The following LATS1 variants were observed in gnomAD, a reference collection of about 807,000 sequenced individuals.
LATS1 encodes the protein large tumor suppressor kinase 1.
Under a neutral mutation model 106.6 loss-of-function variants are expected in LATS1, and 25 were observed. The ratio of observed to expected loss-of-function variants is 0.23; its 90% CI spans 0.17 to 0.33. LATS1 has a LOEUF of 0.33. Ranked by LOEUF, LATS1 falls within the 10% of genes least tolerant of loss-of-function variation. The probability of loss-of-function intolerance (pLI) is 1.00; values close to 1 mark genes in which losing one functional copy is unlikely to be tolerated. For synonymous variants in LATS1, 465 were observed against 455.6 expected, an observed-to-expected ratio of 1.02 and a Z score of -0.26; for missense variants, 1,040 against 1,382.6, an observed-to-expected ratio of 0.75 and a Z score of 3.93.
At position 149,680,163 on chromosome 6, in the gene LATS1, A is replaced by G. The variant is rs1465702628; in HGVS notation, c.2305T>C (p.Tyr769His). ...TTGTCCTTATCTTGGAATGAATAAT[A>G]TAGACGAACTACCCATTCATTGTCA... ...EADNEWVVRL[Y>H]YSFQDKDNLY... The change falls in exon 5 of 8, where the codon TAT (tyrosine) becomes CAT (histidine). Residue 769 changes from tyrosine (Y) to histidine (H), a missense_variant. Coordinates refer to ENST00000543571, the MANE Select transcript of LATS1 (RefSeq NM_004690.4). The G allele has an allele frequency of 6.2e-7, 1 of 1,614,118 alleles. No individual in the cohort carries two copies. The highest frequency in any genetic ancestry group is 1.7e-5 in the Admixed American group (1 of 60,014).
chr6:149,702,596 A>T (rs1442137308), intron 1 of LATS1, among the ~76,000 whole-genome samples: 1 of 152,184 alleles, frequency 6.6e-6, no homozygotes, highest in Non-Finnish European at 1.5e-5. Context: ...CACCTAGAGG[A>T]TCAAATTTTA....
At chr6:149,689,054 G>A (rs189900962) in intron 3 of LATS1, among the ~76,000 whole-genome samples, 4 of 152,018 alleles carry the variant, frequency 2.6e-5, no homozygotes, top group East Asian at 1.9e-4. Context: ...TGTAATCCCA[G>A]CTACCTGGGA....
chr6:149,667,027 A>G (rs1157354467), intron 7 of LATS1, among the ~76,000 whole-genome samples: 1 of 152,140 alleles, frequency 6.6e-6, no homozygotes, highest in Non-Finnish European at 1.5e-5. Flanking sequence ...TGAAGATATA[A>G]AGTATCAAAA....
chr6:149,662,981 A>AG (rs1554229011), intron 7 of LATS1, among the ~76,000 whole-genome samples: 3 of 128,512 alleles, frequency 2.3e-5, no homozygotes, highest in African/African-American at 5.8e-5. Flanking sequence ...AAAAAAAAAA[A>AG]AAAAAAGAAA....
chr6:149,689,598 A>G (rs1460812944), intron 3 of LATS1, among the ~76,000 whole-genome samples: 4 of 152,130 alleles, frequency 2.6e-5, no homozygotes, highest in Admixed American at 2.0e-4. Context: ...GCATCCTTCA[A>G]TGGCCTCAGC....
In LATS1 at chr6:149,661,343, C is replaced by A. The variant is rs1780875573; in HGVS notation, c.*386G>T. 1 of 236,398 alleles carries A rather than the reference C, an allele frequency of 4.2e-6. No homozygotes were observed. The highest frequency in any genetic ancestry group is 2.2e-5 in the African/African-American group (1 of 45,374). The allele number at this position is 236,398 out of a possible 1,614,324, so 14.6% of individuals were successfully genotyped here. ...GGGTATGTTTCATATTTGGTTAAAG[C>A]AAGATAAAACTAAAACTGTCTTTCA... is the stretch of plus-strand genomic sequence containing the variant. On this transcript the variant is annotated 3_prime_UTR_variant, in exon 8 of 8. Coordinates refer to ENST00000543571, the MANE Select transcript of LATS1 (RefSeq NM_004690.4).
chr6:149,706,663 T>C (rs1195064738), intron 1 of LATS1, among the ~76,000 whole-genome samples: 1 of 152,134 alleles, frequency 6.6e-6, no homozygotes, highest in African/African-American at 2.4e-5. Flanking sequence ...ATTACAAGTG[T>C]CCTTTTGAGA....
In LATS1 at chr6:149,683,526, T is replaced by C; in HGVS notation, c.1563A>G (p.Pro521=). ...ALAPTHPSWI[P]QPIQTVQPSP... is the part of the protein sequence containing the mutation. ...TGGGTTGAACAGTTTGAATTGGCTGTGGTATCCAAGAAGGGTGTGTAGGTG... is the reference window on the plus strand; with the variant it reads ...TGGGTTGAACAGTTTGAATTGGCTGCGGTATCCAAGAAGGGTGTGTAGGTG... The change falls in exon 4 of 8, where the codon CCA becomes CCG. Residue 521 remains proline (P), a synonymous_variant. Coordinates refer to ENST00000543571, the MANE Select transcript of LATS1 (RefSeq NM_004690.4). 3.7e-6 allele frequency: 6 copies of C among 1,614,198 alleles called. No individual in the cohort carries two copies. The highest frequency in any genetic ancestry group is 5.1e-6 in the Non-Finnish European group (6 of 1,180,026).
Position 149,684,051 on chromosome 6 carries a change from T to C in LATS1, c.1038A>G (p.Gly346=). The C allele has an allele frequency of 1.2e-6, 2 of 1,614,184 alleles. No individual in the cohort carries two copies. Among genetic ancestry groups the C allele is most frequent in the Non-Finnish European group, 1.7e-6 (2 of 1,180,028 alleles). ...CAGTTTGTCCAGTACCATTCTGCAT[T>C]CCAGGTCTCCCTGATGGAAAGTTAA... is the stretch of plus-strand genomic sequence containing the variant. ...SKFNFPSGRP[G]MQNGTGQTDF... The change falls in exon 4 of 8, where the codon GGA becomes GGG. Residue 346 remains glycine (G), a synonymous_variant. Coordinates refer to ENST00000543571, the MANE Select transcript of LATS1 (RefSeq NM_004690.4).
At chr6:149,667,191 T>C (rs1012157883) in intron 7 of LATS1, among the ~76,000 whole-genome samples, 2 of 151,752 alleles carry the variant, frequency 1.3e-5, no homozygotes, top group Admixed American at 6.6e-5. Context: ...TGCCAGCACT[T>C]TGGGAGGCCG....
In LATS1 at chr6:149,661,596, G is replaced by T; in HGVS notation, c.*133C>A. On this transcript the variant is annotated 3_prime_UTR_variant, in exon 8 of 8. Coordinates refer to ENST00000543571, the MANE Select transcript of LATS1 (RefSeq NM_004690.4). Reference sequence around the variant, plus strand: ...TTTAAAAGGATTTCCCATAATTTAGGAAAATAAAATATTGTACACAGAGCA... The same window carrying T: ...TTTAAAAGGATTTCCCATAATTTAGTAAAATAAAATATTGTACACAGAGCA... 1.6e-6 allele frequency: 1 copy of T among 635,658 alleles called. No individual in the cohort carries two copies. Among genetic ancestry groups the T allele is most frequent in the Non-Finnish European group, 2.5e-6 (1 of 406,910 alleles). 39.4% of individuals were successfully genotyped at this position (635,658 alleles called of 1,614,324 possible).
chr6:149,712,785 G>C (rs1027968751), intron 1 of LATS1, among the ~76,000 whole-genome samples: 1 of 152,122 alleles, frequency 6.6e-6, no homozygotes, highest in African/African-American at 2.4e-5. Flanking sequence ...CTTGAGCCCA[G>C]GTGTTTGAGA....
chr6:149,702,483 TA>T (rs77939550), intron 1 of LATS1: 3,833 of 149,498 alleles, frequency 0.026, 20 homozygotes, highest in Middle Eastern at 0.052. Flanking sequence ...TATGATGATT[TA>T]AAAAAAAAAA....
intron 7 of LATS1, among the ~76,000 whole-genome samples, chr6:149,670,458 G>A (rs916152597): frequency 3.3e-5 from 5 of 151,954 alleles, no homozygotes; most frequent in African/African-American, 1.2e-4. Context: ...TTCATGAAGG[G>A]AGAGGCTGCT....
intron 4 of LATS1, among the ~76,000 whole-genome samples, chr6:149,680,964 C>T (rs1017709745): frequency 3.3e-5 from 5 of 152,056 alleles, no homozygotes; most frequent in Non-Finnish European, 7.4e-5. Flanking sequence ...CCTTTTCTAA[C>T]CCACCAATCC....
At chr6:149,690,015 G>A (rs1782634640) in intron 3 of LATS1, among the ~76,000 whole-genome samples, 1 of 151,072 alleles carries the variant, frequency 6.6e-6, no homozygotes, top group African/African-American at 2.4e-5. Flanking sequence ...CATATATAGA[G>A]CTCTACCTCA....
chr6:149,680,076 C>T lies in LATS1; in HGVS notation c.2392G>A (p.Gly798Ser), dbSNP rs1781952602. 6.2e-7 allele frequency: 1 copy of T among 1,613,488 alleles called. No homozygotes were observed. Among genetic ancestry groups the T allele is most frequent in the Non-Finnish European group, 8.5e-7 (1 of 1,179,830 alleles). Residue 798 changes from glycine to serine, a missense_variant, in exon 5 of 8, where the codon GGC becomes AGC. Around this residue, in one of 7 missense-constraint regions of LATS1, gnomAD observed 167 missense variants for 332.1 expected, o/e 0.50. Transcript: ENST00000543571. Reference protein sequence around the residue: ...GDMMSLLIRMGIFPESLARFY... With the variant: ...GDMMSLLIRMSIFPESLARFY... ...CGTGCCAGACTTTCTGGAAAGATGC[C>T]CATTCTAATTAATAGGCTCATCATA...
chr6:149,701,079 G>A (rs1453167947), intron 2 of LATS1, among the ~76,000 whole-genome samples: 3 of 152,210 alleles, frequency 2.0e-5, no homozygotes, highest in African/African-American at 7.2e-5. Context: ...CACTGCACCC[G>A]GCCTGGCCTA....
Position 149,662,056 on chromosome 6 carries a change from C to A in LATS1, c.3066G>T (p.Gln1022His). 1 of 1,614,140 alleles carries A rather than the reference C, an allele frequency of 6.2e-7. No homozygotes were observed. The highest frequency in any genetic ancestry group is 8.5e-7 in the Non-Finnish European group (1 of 1,180,002). ...TGATTTTAGGAATGTATGAAGCAGACTGCTGTCTCAGGTCACTGGAGAAGT... is the reference window on the plus strand; with the variant it reads ...TGATTTTAGGAATGTATGAAGCAGAATGCTGTCTCAGGTCACTGGAGAAGT... ...TIDFSSDLRQ[Q>H]SASYIPKITH... The change falls in exon 8 of 8, where the codon CAG (glutamine) becomes CAT (histidine). Residue 1022 changes from glutamine to histidine, a missense_variant. Gln to His is a conservative substitution (Grantham distance 24, BLOSUM62 0). Transcript: ENST00000543571.
Sources: allele counts gnomAD v4.1 joint callset (sites outside exome capture counted in the v4.1 genomes callset), GRCh38; gene constraint gnomAD v4.1.1; regional missense constraint gnomAD v4.1.1; transcripts MANE v1.5; gene names NCBI Gene and HGNC (gene_info 2026-07-23, HGNC 2026-07-21).